The following TRPM5 variants were observed in gnomAD, a reference collection of about 807,000 sequenced individuals.
TRPM5 encodes the protein MLSN1 and TRP-related.
In TRPM5, 121 loss-of-function variants were observed where a neutral mutation model predicts 124.9. That is an observed-to-expected ratio of 0.97 (90% CI 0.84 to 1.13). The LOEUF (loss-of-function observed/expected upper bound fraction) is 1.13, where lower values mean the gene tolerates loss of function less well. Among genes scored for constraint, TRPM5 ranks in the 50% most tolerant of loss-of-function variants. TRPM5 has a pLI of 0.00. For synonymous variants in TRPM5, 781 were observed against 700.5 expected (o/e 1.11, Z -1.81); for missense variants, 1,643 against 1,589.1 (o/e 1.03, Z -0.58).
chr11:2,421,689 A>G (rs540122553), intron 2 of TRPM5, among the ~76,000 whole-genome samples: 3 of 152,360 alleles, frequency 2.0e-5, no homozygotes, highest in East Asian at 3.9e-4. Context: ...AAAACAGCCC[A>G]GCCATTGGAC....
chr11:2,407,078 C>T (rs746750547), intron 20 of TRPM5, 41 bp downstream of exon 25: 2 of 1,007,744 alleles, frequency 2.0e-6, no homozygotes, highest in Middle Eastern at 3.2e-4. Context: ...GACCCGCCAC[C>T]TCGGCCTCAC....
intron 7 of TRPM5, among the ~76,000 whole-genome samples, chr11:2,416,632 G>A (rs186200843): frequency 1.3e-5 from 2 of 152,248 alleles, no homozygotes; most frequent in Admixed American, 1.3e-4. Flanking sequence ...AAACGGGGAG[G>A]TTTCTTTGAC....
At chr11:2,418,412 G>A in intron 5 of TRPM5, 54 bp from the exon 11 acceptor site, 1 of 1,523,786 alleles carries the variant, frequency 6.6e-7, no homozygotes, top group Non-Finnish European at 8.8e-7. Context: ...ACGACATCTG[G>A]ATGCAGGTGT....
At chr11:2,411,203 G>T in intron 18 of TRPM5, 149 bp downstream of exon 23, 2 of 997,880 alleles carry the variant, frequency 2.0e-6, no homozygotes, top group Non-Finnish European at 1.4e-6. Flanking sequence ...GGGGCCTGGG[G>T]ACCAGGCCTC....
At chr11:2,407,883 G>C in exon 19 of TRPM5, 2 of 1,613,900 alleles carry the variant, frequency 1.2e-6, no homozygotes, top group Non-Finnish European at 1.7e-6. Context: ...TCCAGCAGCA[G>C]TGGGTGGGTG....
chr11:2,408,228 G>T (rs1425761385), intron 18 of TRPM5, among the ~76,000 whole-genome samples: 3 of 152,218 alleles, frequency 2.0e-5, no homozygotes, highest in African/African-American at 7.2e-5. Flanking sequence ...CTGGAGGGAT[G>T]GAAGGTGGGG....
the TRPM5 span, among the ~76,000 whole-genome samples, chr11:2,433,092 G>A: frequency 6.6e-6 from 1 of 152,232 alleles, no homozygotes; most frequent in Non-Finnish European, 1.5e-5. Flanking sequence ...TGCTGTCTCG[G>A]CACCATCCTT....
At position 2,413,589 on chromosome 11, in the gene TRPM5, C is replaced by G. The variant is rs1460219717; in HGVS notation, c.1891-1G>C. On this transcript the variant is annotated splice_acceptor_variant, in intron 12 of 23. Coordinates refer to ENST00000155858, the Ensembl canonical transcript of TRPM5. LOFTEE classifies it high-confidence loss of function. ...CCCACCAGATCCTGGTCAGGAAGGCCTGAGGTGAAGGCAAAACTGTCGGCT... is the reference window on the plus strand; with the variant it reads ...CCCACCAGATCCTGGTCAGGAAGGCGTGAGGTGAAGGCAAAACTGTCGGCT... The G allele has an allele frequency of 1.5e-5, 24 of 1,611,802 alleles. No individual in the cohort carries two copies. Among genetic ancestry groups the G allele is most frequent in the Non-Finnish European group, 2.0e-5 (24 of 1,179,570 alleles).
chr11:2,405,680 C>A (rs1220767998), intron 22 of TRPM5, 87 bp from the exon 28 acceptor site: 4 of 1,422,114 alleles, frequency 2.8e-6, no homozygotes, highest in Non-Finnish European at 3.9e-6. Context: ...CCTCTCCTGC[C>A]AGGGCCCCCG....
exon 3 of TRPM5, chr11:2,421,041 C>A: frequency 1.3e-6 from 2 of 1,543,370 alleles, no homozygotes; most frequent in African/African-American, 1.4e-5. Context: ...CCTGGGCCTC[C>A]TCCAGAATGC....
intron 18 of TRPM5, among the ~76,000 whole-genome samples, chr11:2,408,595 C>T (rs1254508225): frequency 6.6e-6 from 1 of 152,228 alleles, no homozygotes; most frequent in Non-Finnish European, 1.5e-5. Context: ...GGCAGGGACA[C>T]CCTGGAGGGG....
At chr11:2,434,531 C>T in the TRPM5 span, among the ~76,000 whole-genome samples, 1 of 143,726 alleles carries the variant, frequency 7.0e-6, no homozygotes, top group Non-Finnish European at 1.5e-5. Flanking sequence ...TGTGAGAATG[C>T]TGTGTATGAG....
At chr11:2,413,036 T>C (rs1343317108) in intron 14 of TRPM5, 24 bp from the exon 20 acceptor site, 2 of 1,585,348 alleles carry the variant, frequency 1.3e-6, no homozygotes, top group African/African-American at 1.3e-5. Flanking sequence ...AAGTTCGCAG[T>C]GGTGAGGCTG....
the TRPM5 span, among the ~76,000 whole-genome samples, chr11:2,436,463 C>T: frequency 6.6e-6 from 1 of 152,368 alleles, no homozygotes; most frequent in Non-Finnish European, 1.5e-5. Flanking sequence ...CACCACTCTC[C>T]AGGGAGGGGA....
chr11:2,434,493 CTGTG>C, the TRPM5 span, among the ~76,000 whole-genome samples: 3 of 143,124 alleles, frequency 2.1e-5, no homozygotes, highest in Admixed American at 6.9e-5. Context: ...TATAGCCGCA[CTGTG>C]TGTGTGTGTG....
chr11:2,418,093 C>A (rs1414736278), intron 6 of TRPM5, 74 bp downstream of exon 11: 1 of 1,377,366 alleles, frequency 7.3e-7, no homozygotes, highest in Non-Finnish European at 9.8e-7. Flanking sequence ...GGCTGCATTG[C>A]AGGAACTCTC....
intron 19 of TRPM5, 113 bp from the exon 25 acceptor site, chr11:2,407,413 C>T: frequency 9.3e-7 from 1 of 1,071,452 alleles, no homozygotes; most frequent in East Asian, 2.6e-5. Flanking sequence ...TGAGGCCCAG[C>T]ACTGCTTCTG....
intron 18 of TRPM5, among the ~76,000 whole-genome samples, chr11:2,409,574 G>A (rs1850400799): frequency 6.6e-6 from 1 of 152,204 alleles, no homozygotes; most frequent in African/African-American, 2.4e-5. Flanking sequence ...CCTGCAGGCT[G>A]TACAGGAACT....
the TRPM5 span, among the ~76,000 whole-genome samples, chr11:2,430,362 C>G: frequency 2.0e-5 from 3 of 152,210 alleles, no homozygotes; most frequent in Non-Finnish European, 1.5e-5. Flanking sequence ...GCTGAGGCCA[C>G]CCCAGCCATA....
Sources: gnomAD v4.1 joint callset for allele counts (sites outside exome capture counted in the v4.1 genomes callset) on GRCh38, gnomAD v4.1.1 for gene constraint, MANE v1.5 for transcripts, NCBI Gene and HGNC (gene_info 2026-07-23, HGNC 2026-07-21) for gene names.